Variants in RUBCNL observed in about 807,000 individuals in gnomAD.
RUBCNL encodes the protein protein associated with UVRAG as autophagy enhancer.
In RUBCNL, 62 loss-of-function variants were observed where a neutral mutation model predicts 69.5. The ratio of observed to expected loss-of-function variants is 0.89; its 90% CI spans 0.73 to 1.10. RUBCNL has a LOEUF of 1.10. RUBCNL is among the 50% of genes least tolerant of loss of function. The pLI is 0.00. For missense variants in RUBCNL, 768 were observed against 798.1 expected, an observed-to-expected ratio of 0.96 and a Z score of 0.45; for synonymous variants, 291 against 303.6, an observed-to-expected ratio of 0.96 and a Z score of 0.43.
chr13:46,365,877 G>A (rs1381691077), intron 5 of RUBCNL, among the ~76,000 whole-genome samples: 1 of 152,168 alleles, frequency 6.6e-6, no homozygotes, highest in Non-Finnish European at 1.5e-5. Context: ...ATCAACTAGG[G>A]GAAACAAGTT....
At chr13:46,362,974 A>ATATATATATAT in intron 6 of RUBCNL, 141 bp downstream of exon 6, 1 of 170,650 alleles carries the variant, frequency 5.9e-6, no homozygotes, top group African/African-American at 3.1e-5. Context: ...ATATATATAT[A>ATATATATATAT]TCAGGGCCAT....
In RUBCNL at chr13:46,350,326, G is replaced by A. The variant is rs1172186550; in HGVS notation, c.1356C>T (p.Cys452=). 2.6e-6 allele frequency: 4 copies of A among 1,555,924 alleles called. No individual in the cohort carries two copies. Among genetic ancestry groups the A allele is most frequent in the Middle Eastern group, 1.7e-4 (1 of 5,982 alleles). ...CACAGAAATACTTCCCTAGGTATTC[G>A]CAGTACCGGAGCCGCTTCACAAACT... is the stretch of plus-strand genomic sequence containing the variant. ...EPKFVKRLRY[C]EYLGKYFCDC... The change falls in exon 11 of 15, where the codon TGC becomes TGT. Residue 452 remains cysteine (C), a synonymous_variant. Coordinates refer to ENST00000429979, the MANE Select transcript of RUBCNL (RefSeq NM_025113.5).
rs1320435198 is a variant in RUBCNL, at chr13:46,336,775, A to G, written c.*6610T>C. ...AGGTGTGGAAGCGATGGCAAACATTAAAAACTGTTCTTTCAAAAATGTTGC... is the reference window on the plus strand; with the variant it reads ...AGGTGTGGAAGCGATGGCAAACATTGAAAACTGTTCTTTCAAAAATGTTGC... On this transcript the variant is annotated 3_prime_UTR_variant, in exon 15 of 15. Coordinates refer to ENST00000429979, the MANE Select transcript of RUBCNL (RefSeq NM_025113.5). Among the ~76,000 whole-genome samples, 1 of 152,166 alleles carries G rather than the reference A, an allele frequency of 6.6e-6. No homozygotes were observed. Among genetic ancestry groups the G allele is most frequent in the African/African-American group, 2.4e-5 (1 of 41,438 alleles).
At chr13:46,366,956 A>C (rs73188894) in intron 5 of RUBCNL, among the ~76,000 whole-genome samples, 14,091 of 152,268 alleles carry the variant, frequency 0.093, 881 homozygotes, top group Non-Finnish European at 0.14. Flanking sequence ...GATGTCCAGG[A>C]CTGAAAACAT....
chr13:46,363,382 C>CT, intron 5 of RUBCNL, among the ~76,000 whole-genome samples, 169 bp from the exon 6 acceptor site: 1 of 152,050 alleles, frequency 6.6e-6, no homozygotes, highest in South Asian at 2.1e-4. Flanking sequence ...TTTGTGTGTT[C>CT]TTTTTGCACT....
At chr13:46,345,642 C>T in intron 12 of RUBCNL, 42 bp from the exon 13 acceptor site, 1 of 1,604,478 alleles carries the variant, frequency 6.2e-7, no homozygotes, top group South Asian at 1.1e-5. Flanking sequence ...AACCCACCCA[C>T]ACAGAGGACA....
At chr13:46,345,722 T>C (rs976567940) in intron 12 of RUBCNL, 122 bp from the exon 13 acceptor site, 197 of 944,460 alleles carry the variant, frequency 2.1e-4, no homozygotes, top group Non-Finnish European at 2.7e-4. Flanking sequence ...ATTTAAAAAA[T>C]AAATAGCTCC....
At chr13:46,356,520 T>C in intron 9 of RUBCNL, 24 bp from the exon 10 acceptor site, 3 of 1,607,574 alleles carry the variant, frequency 1.9e-6, no homozygotes, top group Non-Finnish European at 2.6e-6. Flanking sequence ...ATAATACTAG[T>C]TACATTTCAG....
In RUBCNL at chr13:46,378,000, T is replaced by G; in HGVS notation, c.-233A>C. ...AGGAGGTCAATATCCCCATTTTTTA[T>G]TTTATCTGTAAGGCAAAAAACAATT... On this transcript the variant is annotated 5_prime_UTR_variant, in exon 2 of 15. Transcript: ENST00000429979. 1 of 1,544,224 alleles carries G rather than the reference T, an allele frequency of 6.5e-7. No individual in the cohort carries two copies. The highest frequency in any genetic ancestry group is 8.7e-7 in the Non-Finnish European group (1 of 1,145,734).
At position 46,363,163 on chromosome 13, in the gene RUBCNL, C is replaced by A; in HGVS notation, c.877G>T (p.Asp293Tyr). Residue 293 changes from aspartate (D) to tyrosine (Y), a missense_variant, in exon 6 of 15, where the codon GAT becomes TAT. Coordinates refer to ENST00000429979, the MANE Select transcript of RUBCNL (RefSeq NM_025113.5). The stretch of plus-strand genomic sequence containing the variant: ...TCGCATTTGCAAATCTCTTTCACAT[C>A]ATGGTAAGTACGTGTTTCAGTCACT... The part of the protein sequence containing the change: ...SPVTETRTYH[D>Y]VKEICKCDVD... 6.2e-7 allele frequency: 1 copy of A among 1,602,216 alleles called. No individual in the cohort carries two copies. The highest frequency in any genetic ancestry group is 1.1e-5 in the South Asian group (1 of 89,806).
upstream of RUBCNL, among the ~76,000 whole-genome samples, chr13:46,388,240 A>AGGAG (rs919509335): frequency 1.5e-5 from 2 of 134,294 alleles, no homozygotes; most frequent in East Asian, 2.6e-4. Flanking sequence ...GAAGAAGGGA[A>AGGAG]GGAGGGAGGG....
Position 46,338,699 on chromosome 13 carries a change from A to T in RUBCNL, c.*4686T>A, listed in dbSNP as rs1464518634. The stretch of plus-strand genomic sequence containing the variant: ...ACCATGGAGGCAGGAACACGGCAGG[A>T]CTAGAAAAGAGGGGGCAGCCCTGGG... On this transcript the variant is annotated 3_prime_UTR_variant, in exon 15 of 15. Coordinates refer to ENST00000429979, the MANE Select transcript of RUBCNL (RefSeq NM_025113.5). Among the ~76,000 whole-genome samples the T allele has an allele frequency of 6.6e-6, 1 of 152,068 alleles. No individual in the cohort carries two copies. Among genetic ancestry groups the T allele is most frequent in the African/African-American group, 2.4e-5 (1 of 41,406 alleles).
At chr13:46,363,527 T>G (rs1275149569) in intron 5 of RUBCNL, among the ~76,000 whole-genome samples, 1 of 152,164 alleles carries the variant, frequency 6.6e-6, no homozygotes, top group Non-Finnish European at 1.5e-5. Flanking sequence ...GAAATTGATT[T>G]TGCAAATCAC....
chr13:46,349,741 A>C (rs950770373), intron 11 of RUBCNL, among the ~76,000 whole-genome samples: 4 of 151,742 alleles, frequency 2.6e-5, no homozygotes, highest in African/African-American at 4.8e-5. Flanking sequence ...CAGTAGTGCA[A>C]TCTCGGCTTG....
intron 10 of RUBCNL, among the ~76,000 whole-genome samples, chr13:46,355,094 G>A (rs1031074330): frequency 2.0e-5 from 3 of 152,138 alleles, no homozygotes; most frequent in South Asian, 2.1e-4. Flanking sequence ...ATTCCTGCTT[G>A]CTATTTTTAT....
upstream of RUBCNL, among the ~76,000 whole-genome samples, chr13:46,388,512 TAGAA>T (rs1434416518): frequency 1.7e-5 from 2 of 120,660 alleles, no homozygotes; most frequent in Admixed American, 9.0e-5. Context: ...GAAAGAAAAG[TAGAA>T]AGGAAGGAAG....
intron 2 of RUBCNL, among the ~76,000 whole-genome samples, chr13:46,375,208 A>C (rs184431615): frequency 1.3e-5 from 2 of 152,302 alleles, no homozygotes; most frequent in East Asian, 1.9e-4. Flanking sequence ...AATGGAAAGA[A>C]CAAATCCAAC....
In RUBCNL at chr13:46,336,744, A is replaced by G. The variant is rs2048107323; in HGVS notation, c.*6641T>C. On this transcript the variant is annotated 3_prime_UTR_variant, in exon 15 of 15. Coordinates refer to ENST00000429979, the MANE Select transcript of RUBCNL (RefSeq NM_025113.5). ...AAATGCTATTGTTGTAGGTAAAGGA[A>G]GAAAGAGGTGTGGAAGCGATGGCAA... Among the ~76,000 whole-genome samples, 1 of 152,138 alleles carries G rather than the reference A, an allele frequency of 6.6e-6. No homozygotes were observed. Among genetic ancestry groups the G allele is most frequent in the Non-Finnish European group, 1.5e-5 (1 of 68,040 alleles).
Position 46,343,335 on chromosome 13 carries a change from G to T in RUBCNL, c.*50C>A. The T allele has an allele frequency of 4.4e-6, 7 of 1,590,542 alleles. No individual in the cohort carries two copies. Among genetic ancestry groups the T allele is most frequent in the Non-Finnish European group, 6.0e-6 (7 of 1,166,228 alleles). On this transcript the variant is annotated 3_prime_UTR_variant, in exon 15 of 15. Coordinates refer to ENST00000429979, the MANE Select transcript of RUBCNL (RefSeq NM_025113.5). Reference sequence around the variant, plus strand: ...TGTCACCAATAATAGACACAAATCGGTGTTATCATAAGGCATGTTGAACAG... The same window carrying T: ...TGTCACCAATAATAGACACAAATCGTTGTTATCATAAGGCATGTTGAACAG...
Sources: allele counts gnomAD v4.1 joint callset (sites outside exome capture counted in the v4.1 genomes callset), GRCh38; gene constraint gnomAD v4.1.1; transcripts MANE v1.5; gene names NCBI Gene and HGNC (gene_info 2026-07-23, HGNC 2026-07-21).